The following ADGRG6 variants were observed in gnomAD, a reference collection of about 807,000 sequenced individuals.
The protein encoded by ADGRG6 is adhesion G protein-coupled receptor G6, also known as G-protein coupled receptor 126.
ADGRG6 carries 84 observed loss-of-function variants against 142.4 expected under a neutral mutation model. That is an observed-to-expected ratio of 0.59 (90% CI 0.49 to 0.71). The LOEUF is 0.71. Among genes scored for constraint, ADGRG6 ranks in the 30% least tolerant of loss-of-function variants. The pLI, the probability that ADGRG6 is intolerant of heterozygous loss-of-function variation, is 0.00. For missense variants in ADGRG6, 1,367 were observed against 1,466.6 expected (o/e 0.93, Z 1.11); for synonymous variants, 521 against 520.5 (o/e 1.00, Z -0.01).
intron 22 of ADGRG6, among the ~76,000 whole-genome samples, chr6:142,427,028 C>G (rs1157620076): frequency 2.0e-5 from 3 of 152,178 alleles, no homozygotes. Context: ...AGGGCTACTG[C>G]AAAGATCTCT....
chr6:142,420,221 T>A (rs1490286650), intron 22 of ADGRG6, 117 bp downstream of exon 22: 4 of 762,362 alleles, frequency 5.2e-6, no homozygotes, highest in Non-Finnish European at 8.8e-6. Flanking sequence ...AAGTGCTGAA[T>A]ATAGTTCCAT....
At chr6:142,382,298 T>G (rs1295293612) in intron 5 of ADGRG6, among the ~76,000 whole-genome samples, 1 of 152,176 alleles carries the variant, frequency 6.6e-6, no homozygotes, top group East Asian at 1.9e-4. Flanking sequence ...GGTTTCATTT[T>G]TCCCCCATGT....
chr6:142,435,779 T>A, intron 22 of ADGRG6, among the ~76,000 whole-genome samples: 1 of 150,846 alleles, frequency 6.6e-6, no homozygotes, highest in Non-Finnish European at 1.5e-5. Context: ...TACTGAGGAG[T>A]GCTGTGAAAA....
chr6:142,321,074 T>C (rs529235105), intron 2 of ADGRG6, among the ~76,000 whole-genome samples: 3 of 151,898 alleles, frequency 2.0e-5, no homozygotes, highest in African/African-American at 7.2e-5. Context: ...ATGAAAGGTA[T>C]ACATAACCAT....
At chr6:142,443,221 G>A (rs920112232) in intron 24 of ADGRG6, 116 bp from the exon 25 acceptor site, 29 of 612,458 alleles carry the variant, frequency 4.7e-5, no homozygotes, top group South Asian at 4.4e-4. Context: ...AGAAAGAATC[G>A]GAGCTTTATT....
At chr6:142,395,324 G>GGTCATATT (rs1483060236) in intron 9 of ADGRG6, among the ~76,000 whole-genome samples, 1 of 151,976 alleles carries the variant, frequency 6.6e-6, no homozygotes, top group African/African-American at 2.4e-5. Context: ...CTTTCTGTTA[G>GGTCATATT]GTCATATTGC....
At chr6:142,381,041 A>G (rs754882920) in intron 4 of ADGRG6, among the ~76,000 whole-genome samples, 6 of 152,320 alleles carry the variant, frequency 3.9e-5, no homozygotes, top group Middle Eastern at 3.4e-3. Context: ...ATCAAGGATG[A>G]AGAAACCATG....
intron 21 of ADGRG6, 59 bp from the exon 22 acceptor site, chr6:142,419,762 T>A: frequency 1.5e-6 from 2 of 1,345,432 alleles, no homozygotes; most frequent in Non-Finnish European, 2.0e-6. Context: ...GAGAAAAGTC[T>A]TAGGTAAACA....
chr6:142,332,809 A>C (rs1340262756), intron 2 of ADGRG6, among the ~76,000 whole-genome samples: 1 of 152,204 alleles, frequency 6.6e-6, no homozygotes, highest in Admixed American at 6.5e-5. Flanking sequence ...AAGGACCATA[A>C]TATGGGCTGA....
At chr6:142,415,118 C>T in intron 19 of ADGRG6, 22 bp downstream of exon 19, 1 of 1,596,062 alleles carries the variant, frequency 6.3e-7, no homozygotes, top group Non-Finnish European at 8.5e-7. Flanking sequence ...TTTAATCTGC[C>T]AAACCCATTG....
intron 6 of ADGRG6, among the ~76,000 whole-genome samples, chr6:142,384,887 T>G (rs912039894): frequency 1.3e-5 from 2 of 152,042 alleles, no homozygotes; most frequent in Admixed American, 1.3e-4. Flanking sequence ...TATAAAGACA[T>G]CGATTCAGAT....
intron 2 of ADGRG6, among the ~76,000 whole-genome samples, chr6:142,324,757 T>C (rs745306657): frequency 9.2e-5 from 14 of 152,182 alleles, no homozygotes; most frequent in Non-Finnish European, 1.3e-4. Context: ...ATTCTATGTC[T>C]TGTTGCCATA....
intron 17 of ADGRG6, among the ~76,000 whole-genome samples, chr6:142,410,174 T>C (rs1007909999): frequency 6.6e-6 from 1 of 152,092 alleles, no homozygotes; most frequent in Non-Finnish European, 1.5e-5. Flanking sequence ...ACAACCTCTT[T>C]GACATCAGTT....
chr6:142,437,469 GA>G lies in ADGRG6; in HGVS notation c.3356del (p.Glu1119GlyfsTer18). 1 of 1,581,236 alleles carries G rather than the reference GA, an allele frequency of 6.3e-7. No individual in the cohort carries two copies. The highest frequency in any genetic ancestry group is 1.1e-5 in the South Asian group (1 of 90,404). ...ATTCATCTTCCACTGTGCTATGAAG[GA>G]GAATGTTCAGAAACAGTGGCGGCAG... ...FIFIFHCAMK[E>X]NVQKQWRQHL... On this transcript the variant is annotated frameshift_variant, in exon 23 of 25. Coordinates refer to ENST00000367609, the MANE Select transcript of ADGRG6 (RefSeq NM_198569.3). LOFTEE classifies it high-confidence loss of function.
intron 2 of ADGRG6, among the ~76,000 whole-genome samples, chr6:142,318,229 A>ATATATTATATATATT (rs1778302142): frequency 8.1e-5 from 5 of 61,570 alleles, no homozygotes; most frequent in Non-Finnish European, 8.5e-5. Context: ...ATATATATTT[A>ATATATTATATATATT]TATTATATAT....
rs528855872 is a variant in ADGRG6 at position 142,382,613 on chromosome 6, G to A, written c.1138+594G>A. On this transcript the variant is annotated intron_variant, in intron 5 of 24. Coordinates refer to ENST00000367609, the MANE Select transcript of ADGRG6 (RefSeq NM_198569.3). The stretch of plus-strand genomic sequence containing the variant: ...GCATGCTAAATAATACATAATTAAA[G>A]TTATACAAGTTTTAAAATAATAATA... Among the ~76,000 whole-genome samples, 4 of 152,226 alleles carry A rather than the reference G, an allele frequency of 2.6e-5. No homozygotes were observed. In the South Asian group the frequency reaches 8.3e-4, roughly 32 times the overall value.
chr6:142,421,721 A>T (rs1452316053), intron 22 of ADGRG6, among the ~76,000 whole-genome samples: 1 of 152,120 alleles, frequency 6.6e-6, no homozygotes, highest in Non-Finnish European at 1.5e-5. Flanking sequence ...GGGATGTTTT[A>T]TTTTTCCCAG....
At chr6:142,417,451 G>T (rs1347830578) in intron 21 of ADGRG6, 82 bp downstream of exon 21, 1 of 690,718 alleles carries the variant, frequency 1.4e-6, no homozygotes, top group Admixed American at 2.5e-5. Context: ...CAATAACAAG[G>T]CTTTCATTTT....
intron 7 of ADGRG6, among the ~76,000 whole-genome samples, chr6:142,391,939 C>T (rs767263682): frequency 1.3e-4 from 20 of 151,830 alleles, no homozygotes; most frequent in Non-Finnish European, 2.9e-4. Context: ...AAGGTATAAG[C>T]TTACATTTAT....
Sources: allele counts gnomAD v4.1 joint callset (sites outside exome capture counted in the v4.1 genomes callset), GRCh38; gene constraint gnomAD v4.1.1; transcripts MANE v1.5; gene names NCBI Gene and HGNC (gene_info 2026-07-23, HGNC 2026-07-21).